Variants in NELL2 observed in about 807,000 individuals in gnomAD.
NELL2 encodes the protein neural EGFL like 2, also known as protein kinase C-binding protein NELL2.
NELL2 carries 41 observed loss-of-function variants against 109.6 expected under a neutral mutation model. That is an observed-to-expected ratio of 0.37 (90% CI 0.29 to 0.49). NELL2 has a LOEUF of 0.49. Among genes scored for constraint, NELL2 ranks in the 20% least tolerant of loss-of-function variants. NELL2 has a pLI of 0.98. For missense variants in NELL2, 900 were observed against 1,008.3 expected (o/e 0.89, Z 1.45); for synonymous variants, 355 against 344.7 (o/e 1.03, Z -0.33).
chr12:44,872,191 C>G (rs1566571812), intron 2 of NELL2, among the ~76,000 whole-genome samples: 1 of 152,066 alleles, frequency 6.6e-6, no homozygotes, highest in Admixed American at 6.5e-5. Context: ...ATTCACTCCT[C>G]TAATTTTTAA....
At chr12:44,632,781 T>A (rs1349007480) in intron 13 of NELL2, among the ~76,000 whole-genome samples, 1 of 152,142 alleles carries the variant, frequency 6.6e-6, no homozygotes, top group African/African-American at 2.4e-5. Flanking sequence ...AGAGATACCC[T>A]GACCAAATAC....
rs183620471 is a variant in NELL2, at chr12:44,524,137, C to A, written c.1805-653G>T. On this transcript the variant is annotated intron_variant, in intron 16 of 19. Transcript: ENST00000429094. ...TTACAAAGAAACCACTATTTTTTAA[C>A]TTTTCCATTTCAGATTATCATTTTG... Among the ~76,000 whole-genome samples the A allele has an allele frequency of 6.5e-3, 994 of 152,234 alleles. 11 individuals carry two copies. The highest frequency in any genetic ancestry group is 0.023 in the African/African-American group (964 of 41,530).
upstream of NELL2, chr12:44,876,348 G>A (rs1592696583): frequency 3.3e-6 from 4 of 1,201,156 alleles, no homozygotes; most frequent in South Asian, 3.1e-5. Flanking sequence ...CGGAGAGACT[G>A]CTCCTCCGGG....
At chr12:44,599,698 G>A (rs1020910690) in intron 15 of NELL2, among the ~76,000 whole-genome samples, 7 of 152,048 alleles carry the variant, frequency 4.6e-5, no homozygotes, top group Non-Finnish European at 8.8e-5. Flanking sequence ...CGATGAAAGC[G>A]GTTAACTCTT....
intron 3 of NELL2, among the ~76,000 whole-genome samples, chr12:44,793,438 C>G (rs962385330): frequency 1.3e-5 from 2 of 152,066 alleles, no homozygotes; most frequent in African/African-American, 4.8e-5. Flanking sequence ...TGCTAAATAC[C>G]TGTCAGTTCT....
chr12:44,750,749 C>A (rs1476761795), intron 9 of NELL2, among the ~76,000 whole-genome samples: 1 of 151,876 alleles, frequency 6.6e-6, no homozygotes, highest in Non-Finnish European at 1.5e-5. Context: ...CCGCACATAT[C>A]CAGAAATATA....
chr12:44,650,515 G>A (rs1947263606), intron 13 of NELL2, among the ~76,000 whole-genome samples: 1 of 151,900 alleles, frequency 6.6e-6, no homozygotes, highest in African/African-American at 2.4e-5. Flanking sequence ...GGCTGGTCTT[G>A]AACCCCTGAC....
At chr12:44,534,606 T>C (rs1385616114) in intron 15 of NELL2, among the ~76,000 whole-genome samples, 2 of 152,154 alleles carry the variant, frequency 1.3e-5, no homozygotes, top group Admixed American at 1.3e-4. Context: ...AATGCTTTGC[T>C]CATTTCAGCT....
At chr12:44,565,139 A>G (rs1943604683) in intron 15 of NELL2, among the ~76,000 whole-genome samples, 1 of 152,150 alleles carries the variant, frequency 6.6e-6, no homozygotes, top group Non-Finnish European at 1.5e-5. Flanking sequence ...AAGCTGATGC[A>G]CTAAGAAGCC....
intron 15 of NELL2, among the ~76,000 whole-genome samples, chr12:44,587,284 A>AAAAAAAAAATATATAT: frequency 1.7e-4 from 12 of 72,214 alleles, no homozygotes; most frequent in African/African-American, 3.5e-4. Flanking sequence ...AAAAAAAAAA[A>AAAAAAAAAATATATAT]ATATATATAT....
intron 2 of NELL2, among the ~76,000 whole-genome samples, chr12:44,850,244 T>C (rs979649395): frequency 2.0e-5 from 3 of 152,152 alleles, no homozygotes; most frequent in African/African-American, 7.2e-5. Flanking sequence ...AAAATAGTTT[T>C]TTAATTATTA....
chr12:44,550,625 C>T (rs1357424737), intron 15 of NELL2, among the ~76,000 whole-genome samples: 1 of 151,060 alleles, frequency 6.6e-6, no homozygotes, highest in African/African-American at 2.4e-5. Flanking sequence ...AAATGTCCAC[C>T]AATGAATGAA....
At chr12:44,635,414 A>T (rs562945763) in intron 13 of NELL2, among the ~76,000 whole-genome samples, 144 of 152,194 alleles carry the variant, frequency 9.5e-4, no homozygotes, top group African/African-American at 3.2e-3. Context: ...TTATGGCTTT[A>T]GGGCTTACAT....
chr12:44,578,068 C>CATTAATAGTACATTAA (rs1437098134), intron 15 of NELL2, among the ~76,000 whole-genome samples: 2 of 152,120 alleles, frequency 1.3e-5, no homozygotes, highest in African/African-American at 2.4e-5. Flanking sequence ...TAGTACCAAA[C>CATTAATAGTACATTAA]GTTATCCCTT....
intron 13 of NELL2, among the ~76,000 whole-genome samples, chr12:44,650,858 C>T (rs913023778): frequency 1.3e-5 from 2 of 152,156 alleles, no homozygotes; most frequent in African/African-American, 2.4e-5. Flanking sequence ...GGAGCCCTCA[C>T]GAGAAATTAA....
At chr12:44,554,810 C>T (rs917617122) in intron 15 of NELL2, among the ~76,000 whole-genome samples, 3 of 152,078 alleles carry the variant, frequency 2.0e-5, no homozygotes, top group African/African-American at 7.2e-5. Context: ...CCTTCAGTTA[C>T]AGGAAGTGGG....
chr12:44,732,303 C>T (rs990777824), intron 9 of NELL2, among the ~76,000 whole-genome samples: 21 of 151,946 alleles, frequency 1.4e-4, no homozygotes, highest in Non-Finnish European at 2.7e-4. Context: ...CTCACACTTC[C>T]TGACTTTCAA....
intron 15 of NELL2, among the ~76,000 whole-genome samples, chr12:44,556,837 G>A (rs1051159521): frequency 3.3e-5 from 5 of 152,192 alleles, no homozygotes; most frequent in Non-Finnish European, 7.3e-5. Flanking sequence ...GCCTGTGCAT[G>A]GACATGGGAT....
rs17094816 is a variant in NELL2, at chr12:44,587,678, G to A, written c.1663+19491C>T. Among the ~76,000 whole-genome samples, 502 of 152,130 alleles carry A rather than the reference G, an allele frequency of 3.3e-3. 5 individuals carry two copies. Among genetic ancestry groups the A allele is most frequent in the African/African-American group, 0.012 (482 of 41,504 alleles). ...TAATTCCAATTTAGTAAACAGCTAC[G>A]TTTATTTTAAAACTCCAGGTTTTCT... On this transcript the variant is annotated intron_variant, in intron 15 of 19. Transcript: ENST00000429094.
Sources: gnomAD v4.1 joint callset for allele counts (sites outside exome capture counted in the v4.1 genomes callset) on GRCh38, gnomAD v4.1.1 for gene constraint, MANE v1.5 for transcripts, NCBI Gene and HGNC (gene_info 2026-07-23, HGNC 2026-07-21) for gene names.